The following PCDHA6 variants were observed in gnomAD, a reference collection of about 807,000 sequenced individuals.
The protein encoded by PCDHA6 is protocadherin alpha 6, also known as protocadherin alpha-6.
Under a neutral mutation model 60.3 loss-of-function variants are expected in PCDHA6, and 55 were observed. The observed-to-expected ratio is 0.91, with a 90% CI of 0.73 to 1.14. The LOEUF is 1.14. Among genes scored for constraint, PCDHA6 ranks in the 50% most tolerant of loss-of-function variants. The pLI, the probability that PCDHA6 is intolerant of heterozygous loss-of-function variation, is 0.00. For missense variants in PCDHA6, 1,327 were observed against 1,256.5 expected, an observed-to-expected ratio of 1.06 and a Z score of -0.85; for synonymous variants, 652 against 557.9, an observed-to-expected ratio of 1.17 and a Z score of -2.38.
At chr5:140,917,206 T>G (rs1313611985) in intron 1 of PCDHA6, among the ~76,000 whole-genome samples, 1 of 152,104 alleles carries the variant, frequency 6.6e-6, no homozygotes, top group Admixed American at 6.5e-5. Context: ...CCCTCTTCAA[T>G]GCCTCTTTTA....
chr5:140,857,420 G>T lies in PCDHA6; in HGVS notation c.2394+26935G>T. The T allele has an allele frequency of 6.9e-6, 11 of 1,598,360 alleles. 1 individual carries two copies. Among genetic ancestry groups the T allele is most frequent in the Non-Finnish European group, 8.6e-6 (10 of 1,167,812 alleles). On this transcript the variant is annotated intron_variant, in intron 1 of 3. Coordinates refer to ENST00000529310, the MANE Select transcript of PCDHA6 (RefSeq NM_018909.4). Reference sequence around the variant, plus strand: ...CAACGCGCCTGCGTTCGCGCAGTCCGAGTACACGGTGTTCGTGAAGGAGAA... The same window carrying T: ...CAACGCGCCTGCGTTCGCGCAGTCCTAGTACACGGTGTTCGTGAAGGAGAA...
intron 3 of PCDHA6, among the ~76,000 whole-genome samples, chr5:141,000,771 G>A (rs1318485268): frequency 2.0e-5 from 3 of 151,790 alleles, no homozygotes; most frequent in Non-Finnish European, 4.4e-5. Context: ...GCCAGGCATA[G>A]TGGCGCACAC....
At chr5:140,851,193 G>GT in intron 1 of PCDHA6, 4 of 1,214,324 alleles carry the variant, frequency 3.3e-6, no homozygotes, top group Non-Finnish European at 4.2e-6. Context: ...CAATTTAGTT[G>GT]TTAGTCATTC....
In PCDHA6 at chr5:141,007,955, C is replaced by T. The variant is rs192197811; in HGVS notation, c.2543-1672C>T. ...CTAAGCCACCTTTTTGAGAACTGCT[C>T]ATTCTCTGGGTGTCTGTCATGTATA... On this transcript the variant is annotated intron_variant, in intron 3 of 3. Transcript: ENST00000529310. 2.6e-5 allele frequency among the ~76,000 whole-genome samples: 4 copies of T among 152,294 alleles called. No homozygotes were observed. In the East Asian group the frequency reaches 7.7e-4, roughly 29 times the overall value.
chr5:140,887,838 T>C (rs1434293324), intron 1 of PCDHA6, among the ~76,000 whole-genome samples: 1 of 152,210 alleles, frequency 6.6e-6, no homozygotes. Context: ...TGAATATCTT[T>C]TATTGACATA....
At chr5:140,836,531 G>A in intron 1 of PCDHA6, 2 of 1,613,844 alleles carry the variant, frequency 1.2e-6, no homozygotes, top group South Asian at 2.2e-5. Context: ...TTACCCTGCT[G>A]CTGTACACGG....
chr5:140,967,842 A>G (rs1239466478), intron 1 of PCDHA6: 1 of 1,614,042 alleles, frequency 6.2e-7, no homozygotes, highest in Non-Finnish European at 8.5e-7. Flanking sequence ...GTGGACGTGA[A>G]TGACAATGCC....
rs2150469499 is a variant in PCDHA6 at position 140,850,144 on chromosome 5, C to T, written c.2394+19659C>T. 59 of 1,595,512 alleles carry T rather than the reference C, an allele frequency of 3.7e-5. 6 individuals carry two copies. Among genetic ancestry groups the T allele is most frequent in the Non-Finnish European group, 4.5e-5 (53 of 1,167,848 alleles). On this transcript the variant is annotated intron_variant, in intron 1 of 3. Coordinates refer to ENST00000529310, the MANE Select transcript of PCDHA6 (RefSeq NM_018909.4). ...GTGCCGCCTCTGGGCAGCAACGTGA[C>T]GCTGCAGGTGTTCGTGCTGGACGAG... is the stretch of plus-strand genomic sequence containing the variant.
chr5:140,943,737 C>T (rs551964655), intron 1 of PCDHA6, among the ~76,000 whole-genome samples: 12 of 152,258 alleles, frequency 7.9e-5, no homozygotes, highest in African/African-American at 2.9e-4. Context: ...TGAAAGTCCA[C>T]AGTCTAAAAG....
At chr5:140,868,874 A>G (rs547590599) in intron 1 of PCDHA6, 25 of 646,974 alleles carry the variant, frequency 3.9e-5, no homozygotes, top group Middle Eastern at 8.7e-4. Flanking sequence ...AGTGCACAGT[A>G]CTCACAGTTT....
At chr5:140,998,196 C>T (rs960565673) in intron 3 of PCDHA6, among the ~76,000 whole-genome samples, 2 of 152,164 alleles carry the variant, frequency 1.3e-5, no homozygotes, top group African/African-American at 4.8e-5. Flanking sequence ...CAAGTATTAA[C>T]TCCTTTAATC....
chr5:140,936,615 G>T (rs1052104404), intron 1 of PCDHA6, among the ~76,000 whole-genome samples: 1 of 152,178 alleles, frequency 6.6e-6, no homozygotes, highest in Non-Finnish European at 1.5e-5. Context: ...CTGCTACTGT[G>T]CAGTGCTACC....
chr5:140,990,621 G>A (rs75224471), intron 3 of PCDHA6, among the ~76,000 whole-genome samples: 1,861 of 152,288 alleles, frequency 0.012, 44 homozygotes, highest in African/African-American at 0.043. Context: ...GTAAAGGTCT[G>A]TGGTAAGACT....
intron 1 of PCDHA6, among the ~76,000 whole-genome samples, chr5:140,837,439 T>C (rs1775044466): frequency 6.6e-6 from 1 of 151,980 alleles, no homozygotes; most frequent in African/African-American, 2.4e-5. Flanking sequence ...TGAAATCTAG[T>C]ACGTAGTAAA....
chr5:140,896,560 A>G (rs1583236503), intron 1 of PCDHA6, among the ~76,000 whole-genome samples: 2 of 150,934 alleles, frequency 1.3e-5, no homozygotes, highest in African/African-American at 4.9e-5. Flanking sequence ...TATTTTAAGT[A>G]GAGATGGGGT....
chr5:140,926,679 C>T (rs1348629347), intron 1 of PCDHA6: 26 of 638,064 alleles, frequency 4.1e-5, no homozygotes, highest in Middle Eastern at 4.4e-4. Context: ...GCCCAGCCTC[C>T]AGCCTAGCAA....
At chr5:140,927,064 C>T (rs1409465902) in intron 1 of PCDHA6, 2 of 1,611,234 alleles carry the variant, frequency 1.2e-6, no homozygotes, top group Admixed American at 1.7e-5. Flanking sequence ...CTTTCGCTTC[C>T]TTTCCAGCCA....
At chr5:140,919,545 T>C (rs572558911) in intron 1 of PCDHA6, among the ~76,000 whole-genome samples, 15 of 152,314 alleles carry the variant, frequency 9.8e-5, no homozygotes, top group African/African-American at 3.6e-4. Flanking sequence ...ACTTTTCATT[T>C]ACTGATTTAT....
chr5:140,853,709 T>C lies in PCDHA6; in HGVS notation c.2394+23224T>C, dbSNP rs1554146825. 2.0e-6 allele frequency: 2 copies of C among 988,258 alleles called. 1 individual carries two copies. The highest frequency in any genetic ancestry group is 2.4e-6 in the Non-Finnish European group (2 of 820,296). The allele number at this position is 988,258 out of a possible 1,614,324, so 61.2% of individuals were successfully genotyped here. A position where few individuals can be genotyped will look rare whatever the true frequency, so the allele number is the denominator to read the frequency against. On this transcript the variant is annotated intron_variant, in intron 1 of 3. Transcript: ENST00000529310. ...CCTTAGACCTGCTAACGCATTAGCA[T>C]TAGCAGCACCTAAGTCCTCATTGAA...
Sources: gnomAD v4.1 joint callset for allele counts (sites outside exome capture counted in the v4.1 genomes callset) on GRCh38, gnomAD v4.1.1 for gene constraint, MANE v1.5 for transcripts, NCBI Gene and HGNC (gene_info 2026-07-23, HGNC 2026-07-21) for gene names.